The following TULP4 variants were observed in gnomAD, a reference collection of about 807,000 sequenced individuals.
The protein encoded by TULP4 is TUB like protein 4.
TULP4 carries 16 observed loss-of-function variants against 129.0 expected under a neutral mutation model. That is an observed-to-expected ratio of 0.12 (90% CI 0.08 to 0.19). TULP4 has a LOEUF of 0.19. TULP4 is among the 10% of genes least tolerant of loss of function. The pLI is 1.00. For synonymous variants in TULP4, 998 were observed against 854.0 expected, an observed-to-expected ratio of 1.17 and a Z score of -2.94; for missense variants, 1,842 against 2,059.1, an observed-to-expected ratio of 0.89 and a Z score of 2.04.
chr6:158,327,673 AT>A (rs71030152), intron 1 of TULP4, among the ~76,000 whole-genome samples: 27 of 150,310 alleles, frequency 1.8e-4, no homozygotes, highest in Non-Finnish European at 2.5e-4. Flanking sequence ...GTTTTAAACA[AT>A]TTTTTTTTTG....
At chr6:158,412,678 C>T (rs994499536) in intron 1 of TULP4, among the ~76,000 whole-genome samples, 1 of 152,178 alleles carries the variant, frequency 6.6e-6, no homozygotes, top group Non-Finnish European at 1.5e-5. Context: ...ACCCTTTCCT[C>T]TTTCCATACT....
Position 158,506,647 on chromosome 6 carries a change from C to T in TULP4, c.4585C>T (p.Gln1529Ter). 1 of 1,614,090 alleles carries T rather than the reference C, an allele frequency of 6.2e-7. No homozygotes were observed. Among genetic ancestry groups the T allele is most frequent in the Non-Finnish European group, 8.5e-7 (1 of 1,179,950 alleles). The change falls in exon 14 of 14, where the codon CAG (glutamine) becomes TAG (stop). Residue 1529 changes from glutamine to a stop codon, truncating the protein, a stop_gained. Transcript: ENST00000367097. LOFTEE classifies it high-confidence loss of function. The stretch of plus-strand genomic sequence containing the variant: ...CTTCCAGTATCCGTTCTCAGCCGTG[C>T]AGGCCTTTGCAGTTGCCCTGGCCAA... ...LDFQYPFSAV[Q>*]AFAVALANVT...
intron 1 of TULP4, among the ~76,000 whole-genome samples, chr6:158,272,265 T>G (rs1054815689): frequency 1.3e-5 from 2 of 152,234 alleles, no homozygotes; most frequent in African/African-American, 4.8e-5. Flanking sequence ...ACCAATGTTT[T>G]TATCATCAGA....
intron 5 of TULP4, among the ~76,000 whole-genome samples, chr6:158,453,345 G>T (rs568835964): frequency 6.6e-6 from 1 of 151,572 alleles, no homozygotes; most frequent in Admixed American, 6.6e-5. Flanking sequence ...TTAGCCGGGC[G>T]TGGTGGCGGG....
At chr6:158,252,505 G>A (rs3861979) in intron 1 of TULP4, among the ~76,000 whole-genome samples, 49,923 of 151,638 alleles carry the variant, frequency 0.33, 9,219 homozygotes, top group Admixed American at 0.45. Flanking sequence ...CCTCCCAAGT[G>A]GCTGGGACTA....
intron 1 of TULP4, among the ~76,000 whole-genome samples, chr6:158,388,142 A>G (rs925426380): frequency 1.3e-5 from 2 of 152,122 alleles, no homozygotes; most frequent in African/African-American, 4.8e-5. Context: ...GAGTAATCTC[A>G]TCTTTTTCTA....
At chr6:158,245,959 A>G (rs1778020925) in intron 1 of TULP4, among the ~76,000 whole-genome samples, 1 of 151,926 alleles carries the variant, frequency 6.6e-6, no homozygotes, top group African/African-American at 2.4e-5. Context: ...TTCTCCTGTC[A>G]TAAGATTCAA....
intron 1 of TULP4, among the ~76,000 whole-genome samples, chr6:158,381,397 C>A (rs1341761062): frequency 9.9e-5 from 15 of 152,280 alleles, no homozygotes; most frequent in Non-Finnish European, 1.9e-4. Context: ...TTCAGCAAAG[C>A]TCATTAAATG....
chr6:158,352,539 G>A (rs1418695631), intron 1 of TULP4, among the ~76,000 whole-genome samples: 1 of 152,158 alleles, frequency 6.6e-6, no homozygotes, highest in Non-Finnish European at 1.5e-5. Context: ...TGGGATTACA[G>A]GTGCCCACCA....
intron 12 of TULP4, among the ~76,000 whole-genome samples, chr6:158,499,363 C>A (rs1263513117): frequency 6.6e-6 from 1 of 152,210 alleles, no homozygotes; most frequent in East Asian, 1.9e-4. Context: ...GGGGCCTGGT[C>A]TGAGTTCAAG....
At chr6:158,360,581 G>A (rs1290117468) in intron 1 of TULP4, among the ~76,000 whole-genome samples, 2 of 152,182 alleles carry the variant, frequency 1.3e-5, no homozygotes, top group Non-Finnish European at 2.9e-5. Flanking sequence ...GTTAAAAAAT[G>A]AGTGTAGCAA....
At chr6:158,258,536 G>T (rs140162512) in intron 1 of TULP4, among the ~76,000 whole-genome samples, 1 of 152,194 alleles carries the variant, frequency 6.6e-6, no homozygotes, top group Non-Finnish European at 1.5e-5. Context: ...TAAGGAAGTC[G>T]TTGAGGTTCA....
At chr6:158,388,322 C>CTTTTTTTTTTTTTTTT (rs10650311) in intron 1 of TULP4, among the ~76,000 whole-genome samples, 2 of 86,258 alleles carry the variant, frequency 2.3e-5, no homozygotes, top group Non-Finnish European at 2.0e-5. Context: ...GCTCGTTTTT[C>CTTTTTTTTTTTTTTTT]TTTTTTTTTT....
chr6:158,234,586 T>G (rs1285884950), intron 1 of TULP4, among the ~76,000 whole-genome samples: 1 of 152,230 alleles, frequency 6.6e-6, no homozygotes, highest in African/African-American at 2.4e-5. Flanking sequence ...ATAGAGTGGC[T>G]CAGCTATGCA....
rs145725068 is a variant in TULP4 at position 158,344,942 on chromosome 6, T to C, written c.252+30674T>C. ...AAGGAAATTAAAAGTGCTACTCCAG[T>C]GAACATGTGAATGATAAGAAAGCAA... On this transcript the variant is annotated intron_variant, in intron 1 of 13. Transcript: ENST00000367097. Among the ~76,000 whole-genome samples the C allele has an allele frequency of 6.2e-3, 948 of 152,288 alleles. 37 individuals carry two copies. The highest frequency in any genetic ancestry group is 0.054 in the Admixed American group (825 of 15,296).
intron 2 of TULP4, among the ~76,000 whole-genome samples, chr6:158,423,782 A>T (rs926670472): frequency 1.1e-4 from 16 of 152,130 alleles, no homozygotes; most frequent in African/African-American, 2.9e-4. Context: ...CTGGGACTAC[A>T]GGTGCCTGCC....
In TULP4 at chr6:158,448,944, A is replaced by G; in HGVS notation, c.544-52A>G. 3 of 1,545,916 alleles carry G rather than the reference A, an allele frequency of 1.9e-6. No homozygotes were observed. In the South Asian group the frequency reaches 3.7e-5, roughly 19 times the overall value. On this transcript the variant is annotated intron_variant, in intron 3 of 13. Transcript: ENST00000367097. Reference sequence around the variant, plus strand: ...ACAAATCGAGGCAACAAGGTGTGCCAGAAACTGGCCCTTGCTGCCACTTGG... The same window carrying G: ...ACAAATCGAGGCAACAAGGTGTGCCGGAAACTGGCCCTTGCTGCCACTTGG...
At chr6:158,461,443 A>T in intron 5 of TULP4, 120 bp from the exon 6 acceptor site, 4 of 893,020 alleles carry the variant, frequency 4.5e-6, no homozygotes, top group Non-Finnish European at 5.0e-6. Flanking sequence ...AACCATGAAT[A>T]TATTTTTGTT....
At chr6:158,486,630 G>C (rs1177624104) in intron 8 of TULP4, among the ~76,000 whole-genome samples, 3 of 152,084 alleles carry the variant, frequency 2.0e-5, no homozygotes, top group Admixed American at 2.0e-4. Context: ...GGAAGACAGC[G>C]TTCCCCAGAA....
Sources: allele counts gnomAD v4.1 joint callset (sites outside exome capture counted in the v4.1 genomes callset), GRCh38; gene constraint gnomAD v4.1.1; transcripts MANE v1.5; gene names NCBI Gene and HGNC (gene_info 2026-07-23, HGNC 2026-07-21).